Variants in AP3D1 observed in about 807,000 individuals in gnomAD.
The protein encoded by AP3D1 is AP-3 complex subunit delta-1.
Under a neutral mutation model 147.6 loss-of-function variants are expected in AP3D1, and 51 were observed. That is an observed-to-expected ratio of 0.35 (90% CI 0.28 to 0.44). The LOEUF (loss-of-function observed/expected upper bound fraction) is 0.44. AP3D1 is among the 20% of genes least tolerant of loss of function. AP3D1 has a pLI of 1.00. For synonymous variants in AP3D1, 760 were observed against 663.0 expected (o/e 1.15, Z -2.25); for missense variants, 1,421 against 1,624.2 (o/e 0.87, Z 2.15).
intron 25 of AP3D1, 62 bp downstream of exon 25, chr19:2,111,617 G>A: frequency 6.6e-7 from 1 of 1,514,160 alleles, no homozygotes. Context: ...GCAGGAGTGG[G>A]GAGCAGCGCA....
intron 1 of AP3D1, among the ~76,000 whole-genome samples, chr19:2,140,766 T>A (rs981205059): frequency 2.0e-5 from 3 of 148,064 alleles, no homozygotes; most frequent in African/African-American, 7.4e-5. Context: ...TTTTTTTTTT[T>A]TTTTTTTTTT....
intron 1 of AP3D1, among the ~76,000 whole-genome samples, chr19:2,140,033 T>C (rs1447462336): frequency 6.6e-6 from 1 of 151,990 alleles, no homozygotes; most frequent in African/African-American, 2.4e-5. Flanking sequence ...CTTTGTACAA[T>C]GGAAAGAGTG....
intron 18 of AP3D1, 119 bp from the exon 19 acceptor site, chr19:2,115,732 C>T: frequency 9.0e-7 from 1 of 1,116,692 alleles, no homozygotes; most frequent in Non-Finnish European, 1.3e-6. Flanking sequence ...TGGGGTCCTG[C>T]CAGAGCCCTG....
intron 17 of AP3D1, 119 bp from the exon 18 acceptor site, chr19:2,116,397 C>T (rs1224262649): frequency 1.6e-6 from 2 of 1,273,344 alleles, no homozygotes; most frequent in Admixed American, 2.4e-5. Flanking sequence ...CACTACTGAG[C>T]TTTCACTAAC....
chr19:2,116,139 G>A, intron 18 of AP3D1, 68 bp downstream of exon 18: 2 of 1,504,640 alleles, frequency 1.3e-6, no homozygotes, highest in Non-Finnish European at 1.8e-6. Flanking sequence ...AACTCAGATG[G>A]ATGCCGCGGG....
At chr19:2,110,552 G>C (rs556130395) in intron 27 of AP3D1, among the ~76,000 whole-genome samples, 155 bp downstream of exon 27, 10 of 152,264 alleles carry the variant, frequency 6.6e-5, no homozygotes, top group Admixed American at 5.9e-4. Flanking sequence ...AGAGAGCTGT[G>C]GCGAGACCCC....
rs762290018 is a variant in AP3D1 at position 2,129,295 on chromosome 19, C to T, written c.732+23G>A. 1.9e-6 allele frequency: 3 copies of T among 1,613,278 alleles called. No homozygotes were observed. The South Asian group carries it at 3.3e-5, about 18-fold the overall frequency. The stretch of plus-strand genomic sequence containing the variant: ...GAATGCCCCACACAGGGTGAGGAGG[C>T]CACATTCCCGGGCAGTACTTGCCAG... On this transcript the variant is annotated intron_variant, in intron 7 of 31. Coordinates refer to ENST00000643116, the MANE Select transcript of AP3D1 (RefSeq NM_001261826.3).
intron 4 of AP3D1, among the ~76,000 whole-genome samples, chr19:2,136,539 T>C (rs945978964): frequency 2.0e-5 from 3 of 152,128 alleles, no homozygotes; most frequent in Admixed American, 6.6e-5. Flanking sequence ...TACTACCCAG[T>C]GGCCTCCGTG....
intron 5 of AP3D1, among the ~76,000 whole-genome samples, chr19:2,131,741 TCGGCCACGATCTAGACACC>T (rs2018954719): frequency 9.2e-6 from 1 of 108,712 alleles, no homozygotes; most frequent in Non-Finnish European, 1.8e-5. Flanking sequence ...ACCGCGCCCA[TCGGCCACGATCTAGACACC>T]TCCGGGCGGA....
chr19:2,160,767 T>C (rs1783651097), intron 1 of AP3D1, among the ~76,000 whole-genome samples: 1 of 151,980 alleles, frequency 6.6e-6, no homozygotes, highest in African/African-American at 2.4e-5. Context: ...CCAGGATCTC[T>C]CCCCTGGAGA....
At chr19:2,154,822 T>C (rs1052049538), upstream of AP3D1, among the ~76,000 whole-genome samples, 1 of 152,246 alleles carries the variant, frequency 6.6e-6, no homozygotes, top group African/African-American at 2.4e-5. Context: ...ATCATACTAA[T>C]TTTTGGCCCA....
chr19:2,111,511 G>A, intron 25 of AP3D1, 168 bp downstream of exon 25: 1 of 1,195,666 alleles, frequency 8.4e-7, no homozygotes, highest in Non-Finnish European at 1.2e-6. Context: ...CACCACGGGG[G>A]TGCCTAATGT....
At chr19:2,120,357 C>T (rs2018575501) in intron 14 of AP3D1, among the ~76,000 whole-genome samples, 2 of 152,136 alleles carry the variant, frequency 1.3e-5, no homozygotes, top group Admixed American at 6.5e-5. Flanking sequence ...ATCCCTGCGG[C>T]CCACCTGGAA....
intron 1 of AP3D1, among the ~76,000 whole-genome samples, chr19:2,157,374 A>G (rs994959382): frequency 1.0e-4 from 15 of 145,644 alleles, no homozygotes; most frequent in African/African-American, 3.4e-4. Flanking sequence ...CCCGGGAGGC[A>G]GAGCTTGCAG....
rs568873929 is a variant in AP3D1, at chr19:2,125,181, A to G, written c.857-1302T>C. The stretch of plus-strand genomic sequence containing the variant: ...AAAAAATACAAATATCTGGAAATGA[A>G]TAACCCTGGACAGAAAGTCTACATA... On this transcript the variant is annotated intron_variant, in intron 9 of 31. Transcript: ENST00000643116. Among the ~76,000 whole-genome samples the G allele has an allele frequency of 4.6e-5, 7 of 152,360 alleles. No individual in the cohort carries two copies. In the East Asian group the frequency reaches 1.2e-3, roughly 25 times the overall value.
chr19:2,119,834 C>G (rs569864793), intron 14 of AP3D1, among the ~76,000 whole-genome samples: 34 of 151,426 alleles, frequency 2.2e-4, no homozygotes, highest in African/African-American at 8.2e-4. Flanking sequence ...CCCAGCTACT[C>G]GGGAAGCTGA....
chr19:2,132,657 G>A (rs560676981), intron 4 of AP3D1, 79 bp from the exon 5 acceptor site: 14 of 1,293,084 alleles, frequency 1.1e-5, no homozygotes, highest in African/African-American at 1.5e-5. Flanking sequence ...GGAGCAGCAG[G>A]AGCGAAATTC....
intron 1 of AP3D1, among the ~76,000 whole-genome samples, chr19:2,139,254 C>T (rs2019158312): frequency 1.3e-5 from 2 of 152,034 alleles, no homozygotes; most frequent in Admixed American, 6.6e-5. Context: ...GGAACTTGGC[C>T]GTGGTGGTGG....
upstream of AP3D1, among the ~76,000 whole-genome samples, chr19:2,151,954 T>C (rs1333070764): frequency 2.0e-5 from 3 of 152,198 alleles, no homozygotes; most frequent in African/African-American, 4.8e-5. Flanking sequence ...CTGAATGTAA[T>C]AGCTGACGCG....
Sources: allele counts gnomAD v4.1 joint callset (sites outside exome capture counted in the v4.1 genomes callset), GRCh38; gene constraint gnomAD v4.1.1; transcripts MANE v1.5; gene names NCBI Gene and HGNC (gene_info 2026-07-23, HGNC 2026-07-21).